NECAB2: variants seen among roughly 807,000 people sequenced by gnomAD.
NECAB2 encodes N-terminal EF-hand calcium-binding protein 2.
NECAB2 carries 68 observed loss-of-function variants against 51.9 expected under a neutral mutation model. That is an observed-to-expected ratio of 1.31 (90% confidence interval 1.08 to 1.60). The LOEUF is 1.60. NECAB2 is among the 40% of genes most tolerant of loss of function. The pLI is 0.00. For synonymous variants in NECAB2, 329 were observed against 203.5 expected, an observed-to-expected ratio of 1.62 and a Z score of -5.25; for missense variants, 854 against 490.3, an observed-to-expected ratio of 1.74 and a Z score of -7.00.
At chr16:84,000,681 G>C (rs200339600) in intron 10 of NECAB2, 43 bp from the exon 11 acceptor site, 1 of 1,589,498 alleles carries the variant, frequency 6.3e-7, no homozygotes, top group East Asian at 2.2e-5. Flanking sequence ...AGGTGGCCTT[G>C]GTTGAGCTCC....
In NECAB2 at chr16:84,002,394, T is replaced by C. The variant is rs183629734; in HGVS notation, c.*48T>C. Reference sequence around the variant, plus strand: ...GGAGCCCACCAGCCCCTTCTTCTTGTGAAGGAAATCCCGTTTTTTTCTAGA... The same window carrying C: ...GGAGCCCACCAGCCCCTTCTTCTTGCGAAGGAAATCCCGTTTTTTTCTAGA... On this transcript the variant is annotated 3_prime_UTR_variant, in exon 13 of 13. Coordinates refer to ENST00000305202, the MANE Select transcript of NECAB2 (RefSeq NM_019065.3). 1.3e-6 allele frequency: 2 copies of C among 1,585,540 alleles called. No homozygotes were observed. The highest frequency in any genetic ancestry group is 1.6e-5 in the African/African-American group (1 of 61,928).
chr16:83,970,075 C>T (rs1046397584), intron 1 of NECAB2, among the ~76,000 whole-genome samples: 2 of 152,200 alleles, frequency 1.3e-5, no homozygotes, highest in African/African-American at 4.8e-5. Flanking sequence ...TCAGGACCCC[C>T]GCAGAGCTCC....
intron 3 of NECAB2, 70 bp from the exon 4 acceptor site, chr16:83,980,769 G>T (rs2084476683): frequency 6.6e-7 from 1 of 1,524,414 alleles, no homozygotes; most frequent in Non-Finnish European, 8.9e-7. Context: ...TGTTTCGCAG[G>T]CTGTGCAGGG....
rs748924576 is a variant in NECAB2 at position 83,997,240 on chromosome 16, C to G, written c.820C>G (p.Arg274Gly). 9.3e-6 allele frequency: 15 copies of G among 1,614,002 alleles called. No individual in the cohort carries two copies. In the African/African-American group the frequency reaches 2.0e-4, roughly 22 times the overall value. Residue 274 changes from arginine to glycine, a missense_variant, in exon 9 of 13, where the codon CGC becomes GGC. By Grantham distance (125) the Arg-to-Gly change is moderately radical (BLOSUM62 -2). Transcript: ENST00000305202. ...SKALWFDLQQ[R>G]LSDEDGTNMH... ...GGCACTGTGGTTCGACCTGCAGCAGCGCCTGTCAGATGAAGATGGCACCAA... is the reference window on the plus strand; with the variant it reads ...GGCACTGTGGTTCGACCTGCAGCAGGGCCTGTCAGATGAAGATGGCACCAA...
At chr16:83,982,252 A>G (rs576333356) in intron 5 of NECAB2, among the ~76,000 whole-genome samples, 80 of 152,292 alleles carry the variant, frequency 5.3e-4, no homozygotes, top group African/African-American at 1.8e-3. Context: ...TTTGCCATAT[A>G]TCTAACAATA....
At chr16:83,966,657 T>G (rs1163944295), upstream of NECAB2, among the ~76,000 whole-genome samples, 1 of 152,092 alleles carries the variant, frequency 6.6e-6, no homozygotes, top group Non-Finnish European at 1.5e-5. Context: ...CTCCTTTCAG[T>G]CCCTCCTGCT....
At chr16:83,971,932 C>T (rs976532056) in intron 1 of NECAB2, 29 of 620,558 alleles carry the variant, frequency 4.7e-5, no homozygotes, top group South Asian at 5.9e-5. Flanking sequence ...TACTGGCAGC[C>T]GCTTCCACGT....
At chr16:83,969,873 G>A (rs921646175) in intron 1 of NECAB2, among the ~76,000 whole-genome samples, 1 of 152,164 alleles carries the variant, frequency 6.6e-6, no homozygotes, top group Non-Finnish European at 1.5e-5. Context: ...GTGAGTCGGG[G>A]GATTCCCTCC....
In NECAB2 at chr16:84,000,063, T is replaced by TTA. The variant is rs1303733815; in HGVS notation, c.963-660_963-659insAT. ...CACCAGGCCCAGCAAGTTTTATTTT[T>TTA]TTTTTTTTTAAAGAGACAGTGTTTT... On this transcript the variant is annotated intron_variant, in intron 10 of 12. Transcript: ENST00000305202. 3.8e-3 allele frequency among the ~76,000 whole-genome samples: 578 copies of TTA among 151,988 alleles called. 2 individuals carry two copies. Among genetic ancestry groups the TTA allele is most frequent in the African/African-American group, 0.013 (551 of 41,386 alleles).
chr16:83,991,368 CTTT>C (rs1167275437), intron 6 of NECAB2, among the ~76,000 whole-genome samples: 14 of 80,304 alleles, frequency 1.7e-4, no homozygotes, highest in African/African-American at 1.3e-3. Context: ...CTTTTCTTTT[CTTT>C]TTTTTTTTTT....
In NECAB2 at chr16:83,998,239, GC is replaced by G; in HGVS notation, c.888del (p.Glu297SerfsTer3). ...CTGGTCCGGCAGGAGATGGCCGTGT[GC>G]CCCGAGCAACTGAGCGAGTTTCTGG... is the stretch of plus-strand genomic sequence containing the variant. ...LQLVRQEMAV[C>X]PEQLSEFLDS... is the part of the protein sequence containing the mutation. On this transcript the variant is annotated frameshift_variant, in exon 10 of 13. Transcript: ENST00000305202. LOFTEE classifies it high-confidence loss of function. 6.2e-7 allele frequency: 1 copy of G among 1,612,270 alleles called. No homozygotes were observed.
intron 7 of NECAB2, 48 bp downstream of exon 7, chr16:83,994,468 A>G (rs765035649): frequency 6.2e-7 from 1 of 1,602,132 alleles, no homozygotes; most frequent in African/African-American, 1.3e-5. Context: ...GGGGGTCCCG[A>G]GGAGTTCTGA....
At chr16:83,980,960 G>A in intron 4 of NECAB2, 70 bp from the exon 5 acceptor site, 1 of 1,603,832 alleles carries the variant, frequency 6.2e-7, no homozygotes, top group South Asian at 1.1e-5. Flanking sequence ...TAGCGCAGGT[G>A]GGAGGTGCAG....
At chr16:83,997,619 C>A (rs148958884) in intron 9 of NECAB2, among the ~76,000 whole-genome samples, 85 of 150,430 alleles carry the variant, frequency 5.7e-4, no homozygotes, top group Non-Finnish European at 1.1e-3. Context: ...TCCTGAGTAG[C>A]TGGGATTACA....
upstream of NECAB2, chr16:83,965,552 A>C (rs765179044): frequency 6.2e-7 from 1 of 1,612,814 alleles, no homozygotes; most frequent in South Asian, 1.1e-5. Flanking sequence ...CCTGGTGTTC[A>C]ACCAGCTGCC....
In NECAB2 at chr16:83,994,529, G is replaced by T. The variant is rs999358014; in HGVS notation, c.716-80G>T. The T allele has an allele frequency of 3.8e-6, 6 of 1,596,984 alleles. No homozygotes were observed. The African/African-American group carries it at 8.1e-5, about 21-fold the overall frequency. On this transcript the variant is annotated intron_variant, in intron 7 of 12. Coordinates refer to ENST00000305202, the MANE Select transcript of NECAB2 (RefSeq NM_019065.3). ...ATGAGCAAGTTTGATGCCCCTGGAG[G>T]GGCTGGATGTTTCCAGCTTCCCCCC...
At chr16:83,975,663 C>T (rs1475203849) in intron 2 of NECAB2, among the ~76,000 whole-genome samples, 3 of 152,112 alleles carry the variant, frequency 2.0e-5, no homozygotes, top group African/African-American at 4.8e-5. Flanking sequence ...AGGGGCCTGA[C>T]TGGCAGCCTG....
upstream of NECAB2, chr16:83,966,054 G>T (rs2084276935): frequency 1.4e-6 from 2 of 1,382,388 alleles, no homozygotes; most frequent in South Asian, 1.4e-5. Context: ...GGACAGAGAT[G>T]ACCACATCCC....
intron 1 of NECAB2, chr16:83,971,733 G>A (rs2084348885): frequency 4.3e-6 from 1 of 233,148 alleles, no homozygotes; most frequent in Non-Finnish European, 8.3e-6. Context: ...AACACACCAG[G>A]GGTTTTGGAA....
Sources: allele counts gnomAD v4.1 joint callset (sites outside exome capture counted in the v4.1 genomes callset), GRCh38; gene constraint gnomAD v4.1.1; transcripts MANE v1.5; gene names NCBI Gene and HGNC (gene_info 2026-07-23, HGNC 2026-07-21).